Variants in TAF4B observed in about 807,000 individuals in gnomAD.
The protein encoded by TAF4B is transcription initiation factor TFIID subunit 4B.
A neutral mutation model predicts 86.4 loss-of-function variants in TAF4B; 38 were observed. The observed-to-expected ratio is 0.44, with a 90% CI of 0.34 to 0.58. The LOEUF is 0.58. Ranked by LOEUF, TAF4B falls within the 20% of genes least tolerant of loss-of-function variation. The probability of loss-of-function intolerance (pLI) is 0.02; values close to 1 mark genes in which losing one functional copy is unlikely to be tolerated. For missense variants in TAF4B, 988 were observed against 1,027.6 expected, an observed-to-expected ratio of 0.96 and a Z score of 0.53; for synonymous variants, 388 against 391.2, an observed-to-expected ratio of 0.99 and a Z score of 0.10.
At chr18:26,230,487 C>T (rs2055648270) in intron 1 of TAF4B, among the ~76,000 whole-genome samples, 1 of 152,114 alleles carries the variant, frequency 6.6e-6, no homozygotes, top group African/African-American at 2.4e-5. Context: ...GAGGGGTATT[C>T]TTTTCAGTGT....
chr18:26,330,890 T>C (rs923431828), intron 12 of TAF4B, among the ~76,000 whole-genome samples: 16 of 152,216 alleles, frequency 1.1e-4, no homozygotes, highest in Non-Finnish European at 2.4e-4. Context: ...GGCTGACTCC[T>C]CTGTCTGCTA....
At chr18:26,389,694 T>G in intron 14 of TAF4B, 151 bp from the exon 15 acceptor site, 1 of 747,736 alleles carries the variant, frequency 1.3e-6, no homozygotes, top group Non-Finnish European at 2.1e-6. Flanking sequence ...GATTGGCTGC[T>G]GGAGGACAGG....
intron 14 of TAF4B, among the ~76,000 whole-genome samples, chr18:26,384,819 A>G (rs1978315974): frequency 6.6e-6 from 1 of 152,204 alleles, no homozygotes; most frequent in Non-Finnish European, 1.5e-5. Context: ...TAGTGTTACT[A>G]TCCCTATTTT....
At chr18:26,267,250 A>G in intron 2 of TAF4B, 1 of 275,486 alleles carries the variant, frequency 3.6e-6, no homozygotes, top group Non-Finnish European at 6.8e-6. Flanking sequence ...AATGTTGAAT[A>G]CTGTAATATT....
At position 26,252,781 on chromosome 18, in the gene TAF4B, T is replaced by A. The variant is rs150846209; in HGVS notation, c.344-12389T>A. ...ATGCTGGTGGCATATTTTTTTATTC[T>A]ATTCTATTTTTATTTTTATTTATTA... On this transcript the variant is annotated intron_variant, in intron 1 of 14. Coordinates refer to ENST00000269142, the MANE Select transcript of TAF4B (RefSeq NM_005640.3). Among the ~76,000 whole-genome samples, 741 of 150,996 alleles carry A rather than the reference T, an allele frequency of 4.9e-3. 8 individuals carry two copies. Among genetic ancestry groups the A allele is most frequent in the African/African-American group, 0.017 (701 of 41,410 alleles).
At chr18:26,320,235 A>G (rs2056950670) in intron 10 of TAF4B, among the ~76,000 whole-genome samples, 1 of 152,258 alleles carries the variant, frequency 6.6e-6, no homozygotes. Flanking sequence ...CTTTTTAAAA[A>G]GCCTATTTAA....
intron 3 of TAF4B, among the ~76,000 whole-genome samples, chr18:26,273,002 T>C (rs1319030447): frequency 6.6e-6 from 1 of 152,222 alleles, no homozygotes; most frequent in Non-Finnish European, 1.5e-5. Context: ...TAAAATCTTA[T>C]TAAAGTTTTT....
intron 14 of TAF4B, among the ~76,000 whole-genome samples, chr18:26,358,538 G>A (rs1487676793): frequency 6.6e-6 from 1 of 152,088 alleles, no homozygotes; most frequent in Non-Finnish European, 1.5e-5. Flanking sequence ...GTGAAAACCT[G>A]TCTCTACTAA....
Position 26,226,883 on chromosome 18 carries a change from A to G in TAF4B, c.-51A>G. The G allele has an allele frequency of 7.6e-7, 1 of 1,316,720 alleles. No homozygotes were observed. Among genetic ancestry groups the G allele is most frequent in the Non-Finnish European group, 9.7e-7 (1 of 1,033,112 alleles). The allele number at this position is 1,316,720 out of a possible 1,614,324, so 81.6% of individuals were successfully genotyped here. On this transcript the variant is annotated 5_prime_UTR_variant, in exon 1 of 15. Coordinates refer to ENST00000269142, the MANE Select transcript of TAF4B (RefSeq NM_005640.3). Reference sequence around the variant, plus strand: ...GCTGCCGCGCGCCAAGCCTCCCCTCACCTCTGCTCCCGGAACCGCAGCGCC... The same window carrying G: ...GCTGCCGCGCGCCAAGCCTCCCCTCGCCTCTGCTCCCGGAACCGCAGCGCC...
chr18:26,317,244 T>C (rs2056921885), intron 10 of TAF4B, among the ~76,000 whole-genome samples: 1 of 152,154 alleles, frequency 6.6e-6, no homozygotes. Context: ...TTGGCCAGGC[T>C]GGTCTTGAAC....
At chr18:26,246,993 G>A (rs2055936282) in intron 1 of TAF4B, among the ~76,000 whole-genome samples, 1 of 152,092 alleles carries the variant, frequency 6.6e-6, no homozygotes, top group Non-Finnish European at 1.5e-5. Flanking sequence ...AGCCTCCCGA[G>A]TAGCTGGGAT....
At chr18:26,381,163 C>G (rs2057475774) in intron 14 of TAF4B, among the ~76,000 whole-genome samples, 1 of 151,862 alleles carries the variant, frequency 6.6e-6, no homozygotes, top group Admixed American at 6.6e-5. Flanking sequence ...CACAGGCACA[C>G]ACCACCACGC....
chr18:26,335,061 C>A (rs952502162), intron 12 of TAF4B, 114 bp from the exon 13 acceptor site: 3 of 765,792 alleles, frequency 3.9e-6, no homozygotes, highest in Non-Finnish European at 6.4e-6. Flanking sequence ...GTATTTTCCC[C>A]TGGAGCTAAG....
At chr18:26,309,703 A>G (rs1369729459) in intron 9 of TAF4B, among the ~76,000 whole-genome samples, 1 of 152,158 alleles carries the variant, frequency 6.6e-6, no homozygotes. Flanking sequence ...ATGCAGTTTT[A>G]GTTTCTAATA....
chr18:26,345,667 A>G (rs1382388491), intron 13 of TAF4B, among the ~76,000 whole-genome samples: 1 of 152,198 alleles, frequency 6.6e-6, no homozygotes, highest in African/African-American at 2.4e-5. Context: ...ACCTGTTCAT[A>G]TGAGTAAATT....
chr18:26,346,166 ATC>A (rs1159088537), intron 13 of TAF4B, among the ~76,000 whole-genome samples: 1 of 152,144 alleles, frequency 6.6e-6, no homozygotes, highest in Non-Finnish European at 1.5e-5. Context: ...TGAGATAGAT[ATC>A]GTAATAAAGA....
intron 1 of TAF4B, among the ~76,000 whole-genome samples, chr18:26,262,231 A>C (rs2056179249): frequency 6.6e-6 from 1 of 151,814 alleles, no homozygotes; most frequent in African/African-American, 2.4e-5. Flanking sequence ...GGTAGATGAG[A>C]AATGCAAGTG....
chr18:26,280,684 C>CTGTTGGTCTG, intron 5 of TAF4B, among the ~76,000 whole-genome samples: 1 of 152,164 alleles, frequency 6.6e-6, no homozygotes, highest in South Asian at 2.1e-4. Context: ...GAAGCGAACA[C>CTGTTGGTCTG]TTATACGCTG....
chr18:26,383,163 G>T (rs576773290), intron 14 of TAF4B, among the ~76,000 whole-genome samples: 2 of 152,220 alleles, frequency 1.3e-5, no homozygotes, highest in Admixed American at 6.5e-5. Context: ...TATATGTCAT[G>T]CTTAGATGTT....
Sources: allele counts gnomAD v4.1 joint callset (sites outside exome capture counted in the v4.1 genomes callset), GRCh38; gene constraint gnomAD v4.1.1; transcripts MANE v1.5; gene names NCBI Gene and HGNC (gene_info 2026-07-23, HGNC 2026-07-21).